The following MLLT10 variants were observed in gnomAD, a reference collection of about 807,000 sequenced individuals.
MLLT10 encodes MLLT10 histone lysine methyltransferase DOT1L cofactor.
A neutral mutation model predicts 129.1 loss-of-function variants in MLLT10; 30 were observed. The observed-to-expected ratio is 0.23, with a 90% CI of 0.17 to 0.32. The LOEUF (loss-of-function observed/expected upper bound fraction) is 0.32, where lower values mean the gene tolerates loss of function less well. Among genes scored for constraint, MLLT10 ranks in the 10% least tolerant of loss-of-function variants. The pLI is 1.00. For synonymous variants in MLLT10, 490 were observed against 446.4 expected (o/e 1.10, Z -1.23); for missense variants, 1,119 against 1,268.3 (o/e 0.88, Z 1.79).
intron 22 of MLLT10, 91 bp downstream of exon 22, chr10:21,740,327 G>T: frequency 7.1e-7 from 1 of 1,410,274 alleles, no homozygotes; most frequent in Non-Finnish European, 9.7e-7. Context: ...TTGTTCCCCT[G>T]ATCATTTCTT....
chr10:21,686,885 G>A (rs2053352850), intron 13 of MLLT10, among the ~76,000 whole-genome samples: 1 of 152,130 alleles, frequency 6.6e-6, no homozygotes, highest in Admixed American at 6.6e-5. Flanking sequence ...GGGAGGCTGA[G>A]GCAGGGAGAA....
chr10:21,716,949 T>C (rs2056607109), intron 14 of MLLT10, among the ~76,000 whole-genome samples: 1 of 151,816 alleles, frequency 6.6e-6, no homozygotes, highest in Non-Finnish European at 1.5e-5. Flanking sequence ...CATTGCCTTA[T>C]TTGGTATCTT....
intron 4 of MLLT10, among the ~76,000 whole-genome samples, chr10:21,589,931 G>A (rs555988158): frequency 1.8e-4 from 27 of 149,618 alleles, no homozygotes; most frequent in Middle Eastern, 3.4e-3. Flanking sequence ...CCCTTTGTCT[G>A]TCTCTCTCTC....
chr10:21,568,949 T>G (rs1166986720), intron 3 of MLLT10, among the ~76,000 whole-genome samples: 1 of 152,206 alleles, frequency 6.6e-6, no homozygotes, highest in Non-Finnish European at 1.5e-5. Flanking sequence ...CTGGTTATTT[T>G]AGAAGTATGT....
intron 13 of MLLT10, among the ~76,000 whole-genome samples, chr10:21,682,900 C>A (rs566413376): frequency 6.6e-6 from 1 of 152,202 alleles, no homozygotes; most frequent in East Asian, 1.9e-4. Context: ...CTTTGATGTT[C>A]AAAAATTCTC....
chr10:21,621,128 C>T (rs542779937), intron 8 of MLLT10, among the ~76,000 whole-genome samples: 1 of 150,728 alleles, frequency 6.6e-6, no homozygotes, highest in South Asian at 2.1e-4. Context: ...GGACTGCAGG[C>T]GCCCGCCACC....
chr10:21,618,811 C>G (rs916981615), intron 8 of MLLT10, among the ~76,000 whole-genome samples: 1 of 151,890 alleles, frequency 6.6e-6, no homozygotes, highest in East Asian at 2.0e-4. Context: ...CGTGTTATTG[C>G]AACCTCTGCT....
chr10:21,716,756 C>G (rs533521649), intron 14 of MLLT10, among the ~76,000 whole-genome samples: 1 of 151,606 alleles, frequency 6.6e-6, no homozygotes, highest in East Asian at 1.9e-4. Flanking sequence ...AACCATCATA[C>G]TTGCAAGCAA....
intron 22 of MLLT10, among the ~76,000 whole-genome samples, chr10:21,741,094 G>T (rs4747437): frequency 0.41 from 63,007 of 152,072 alleles, 13,363 homozygotes; most frequent in East Asian, 0.61. Context: ...ACTTTAGTTT[G>T]TACTTAGTAA....
intron 4 of MLLT10, among the ~76,000 whole-genome samples, chr10:21,594,360 AC>A (rs2042810429): frequency 6.6e-6 from 1 of 151,628 alleles, no homozygotes; most frequent in African/African-American, 2.4e-5. Context: ...GACCAGCCTG[AC>A]CTACATGGAG....
chr10:21,561,502 G>C (rs1444010244), intron 3 of MLLT10, among the ~76,000 whole-genome samples: 1 of 152,160 alleles, frequency 6.6e-6, no homozygotes, highest in Admixed American at 6.6e-5. Flanking sequence ...CTCGTGATCC[G>C]CCCACCTCGG....
chr10:21,689,658 TA>T (rs1363565204), intron 13 of MLLT10, among the ~76,000 whole-genome samples: 175 of 142,976 alleles, frequency 1.2e-3, no homozygotes, highest in African/African-American at 3.7e-3. Context: ...TATATATATA[TA>T]TATTTTTTTT....
intron 13 of MLLT10, among the ~76,000 whole-genome samples, chr10:21,707,293 C>T (rs1428511463): frequency 4.6e-5 from 7 of 150,624 alleles, no homozygotes; most frequent in African/African-American, 1.2e-4. Flanking sequence ...CCCGGGTTCA[C>T]GCCATTCTCC....
intron 9 of MLLT10, among the ~76,000 whole-genome samples, chr10:21,664,951 T>G (rs1403198249): frequency 7.1e-6 from 1 of 140,978 alleles, no homozygotes; most frequent in Admixed American, 6.9e-5. Flanking sequence ...TTTCTTTTTT[T>G]TTTTTTTTTT....
intron 11 of MLLT10, among the ~76,000 whole-genome samples, chr10:21,675,229 G>C (rs2051962126): frequency 6.6e-6 from 1 of 152,158 alleles, no homozygotes; most frequent in African/African-American, 2.4e-5. Flanking sequence ...GGAATCTCTA[G>C]ATGCATTAAG....
At position 21,583,656 on chromosome 10, in the gene MLLT10, G is replaced by A. The variant is rs374503855; in HGVS notation, c.241-2638G>A. Among the ~76,000 whole-genome samples the A allele has an allele frequency of 7.2e-5, 11 of 152,214 alleles. No homozygotes were observed. In the East Asian group the frequency reaches 1.9e-3, roughly 27 times the overall value. ...CAGGAGTGTCACATGGTGAGAGAAGGGAGCAAGGTGGCAGGCTCTTTTTAC... is the reference window on the plus strand; with the variant it reads ...CAGGAGTGTCACATGGTGAGAGAAGAGAGCAAGGTGGCAGGCTCTTTTTAC... On this transcript the variant is annotated intron_variant, in intron 3 of 22. Transcript: ENST00000307729.
At position 21,673,741 on chromosome 10, in the gene MLLT10, C is replaced by T. The variant is rs1265749887; in HGVS notation, c.1443C>T (p.Pro481=). 2 of 1,613,946 alleles carry T rather than the reference C, an allele frequency of 1.2e-6. No individual in the cohort carries two copies. The highest frequency in any genetic ancestry group is 3.3e-5 in the Admixed American group (2 of 59,978). Reference sequence around the variant, plus strand: ...AAAGTAAGCATGGGCCTGGCAGACCCAAAGGAAACAAAAATCAAGAGAATG... The same window carrying T: ...AAAGTAAGCATGGGCCTGGCAGACCTAAAGGAAACAAAAATCAAGAGAATG... ...NKQSKHGPGR[P]KGNKNQENVS... The change falls in exon 11 of 23, where the codon CCC becomes CCT. Residue 481 remains proline (P), a synonymous_variant. Transcript: ENST00000307729.
intron 3 of MLLT10, among the ~76,000 whole-genome samples, chr10:21,552,378 C>T (rs1427223861): frequency 7.7e-6 from 1 of 129,598 alleles, no homozygotes; most frequent in African/African-American, 2.9e-5. Context: ...CTTTGTATAT[C>T]TTCTTATTGC....
intron 21 of MLLT10, chr10:21,738,480 C>T (rs757747554): frequency 7.8e-7 from 1 of 1,288,912 alleles, no homozygotes; most frequent in Non-Finnish European, 1.0e-6. Context: ...ACCATGAGGA[C>T]TAAAGGACTG....
Sources: allele counts gnomAD v4.1 joint callset (sites outside exome capture counted in the v4.1 genomes callset), GRCh38; gene constraint gnomAD v4.1.1; transcripts MANE v1.5; gene names NCBI Gene and HGNC (gene_info 2026-07-23, HGNC 2026-07-21).